UNC80: variants seen among roughly 807,000 people sequenced by gnomAD.
The protein encoded by UNC80 is protein unc-80 homolog.
Under a neutral mutation model 384.6 loss-of-function variants are expected in UNC80, and 164 were observed. The observed-to-expected ratio is 0.43, with a 90% confidence interval of 0.38 to 0.49. UNC80 has a LOEUF of 0.49. UNC80 is among the 20% of genes least tolerant of loss of function. UNC80 has a pLI of 0.00. For synonymous variants in UNC80, 1,486 were observed against 1,527.8 expected (o/e 0.97, Z 0.64); for missense variants, 3,330 against 4,143.0 (o/e 0.80, Z 5.39).
rs1559459690 is a variant in UNC80, at chr2:209,995,680, G to T, written c.*85G>T. ...AAGTTCAATACTTTTGCTTGAAAAA[G>T]ATTAATTACAAAATAGCACTTTACT... On this transcript the variant is annotated 3_prime_UTR_variant, in exon 65 of 65. Coordinates refer to ENST00000673920, the MANE Select transcript of UNC80 (RefSeq NM_001371986.1). 2 of 1,452,694 alleles carry T rather than the reference G, an allele frequency of 1.4e-6. No individual in the cohort carries two copies. The highest frequency in any genetic ancestry group is 1.4e-5 in the African/African-American group (1 of 70,190). The allele number at this position is 1,452,694 out of a possible 1,614,324, so 90.0% of individuals were successfully genotyped here.
At chr2:209,931,475 G>A (rs1015156983) in intron 38 of UNC80, among the ~76,000 whole-genome samples, 1 of 150,570 alleles carries the variant, frequency 6.6e-6, no homozygotes, top group African/African-American at 2.4e-5. Context: ...CATGGCAACT[G>A]TCTATGACAG....
At chr2:209,777,701 TA>T in intron 4 of UNC80, 142 bp downstream of exon 4, 1 of 929,604 alleles carries the variant, frequency 1.1e-6, no homozygotes, top group South Asian at 1.7e-5. Flanking sequence ...ATTTCTGTGT[TA>T]AACTACTGAA....
intron 7 of UNC80, among the ~76,000 whole-genome samples, chr2:209,797,973 T>A (rs2078274676): frequency 1.3e-5 from 2 of 152,258 alleles, no homozygotes; most frequent in Admixed American, 1.3e-4. Flanking sequence ...GAGAAATGAC[T>A]GTTCATATCC....
At chr2:209,959,392 A>G (rs1307712052) in intron 50 of UNC80, 97 bp from the exon 51 acceptor site, 5 of 1,231,986 alleles carry the variant, frequency 4.1e-6, no homozygotes, top group Non-Finnish European at 5.7e-6. Flanking sequence ...TTAACTCATT[A>G]GGAATCTTAT....
chr2:209,980,472 T>C (rs557597303), intron 59 of UNC80, among the ~76,000 whole-genome samples: 45 of 152,312 alleles, frequency 3.0e-4, no homozygotes, highest in South Asian at 8.3e-4. Context: ...ATTTTTTGCT[T>C]ATATCTCTGA....
At chr2:209,808,224 C>T (rs1330605167) in intron 7 of UNC80, among the ~76,000 whole-genome samples, 3 of 152,094 alleles carry the variant, frequency 2.0e-5, no homozygotes, top group African/African-American at 7.2e-5. Context: ...GGGACAACAC[C>T]GTCAGCGTAT....
intron 6 of UNC80, among the ~76,000 whole-genome samples, chr2:209,792,770 T>C (rs998859377): frequency 3.3e-5 from 5 of 152,252 alleles, no homozygotes; most frequent in African/African-American, 1.2e-4. Context: ...TCTACAAAAT[T>C]TAAAATCAGA....
At position 209,891,986 on chromosome 2, in the gene UNC80, A is replaced by G. The variant is rs147452190; in HGVS notation, c.4277-2177A>G. Among the ~76,000 whole-genome samples the G allele has an allele frequency of 6.2e-4, 95 of 152,336 alleles. 2 individuals carry two copies. Among genetic ancestry groups the G allele is most frequent in the East Asian group, 4.4e-3 (23 of 5,190 alleles). ...AAAAATTCAAGTGAAATAATCATTTAGAATAGTAGGAGATGGGTTGGAAAT... is the reference window on the plus strand; with the variant it reads ...AAAAATTCAAGTGAAATAATCATTTGGAATAGTAGGAGATGGGTTGGAAAT... On this transcript the variant is annotated intron_variant, in intron 26 of 64. Coordinates refer to ENST00000673920, the MANE Select transcript of UNC80 (RefSeq NM_001371986.1).
At chr2:209,934,196 G>C (rs1456417039) in intron 39 of UNC80, among the ~76,000 whole-genome samples, 191 bp downstream of exon 39, 1 of 152,144 alleles carries the variant, frequency 6.6e-6, no homozygotes, top group African/African-American at 2.4e-5. Context: ...GTCAGCGGTT[G>C]CCAGCTGAAA....
chr2:209,773,316 AC>A (rs2076687414), intron 2 of UNC80, among the ~76,000 whole-genome samples, 174 bp downstream of exon 2: 1 of 152,268 alleles, frequency 6.6e-6, no homozygotes, highest in Non-Finnish European at 1.5e-5. Context: ...AATGATAAAA[AC>A]AAATACAGTG....
At chr2:209,924,820 A>G (rs2090303776) in intron 35 of UNC80, among the ~76,000 whole-genome samples, 2 of 150,260 alleles carry the variant, frequency 1.3e-5, no homozygotes, top group African/African-American at 4.9e-5. Context: ...AGCTGTTTGC[A>G]CTAAGCTTTA....
chr2:209,776,190 A>G (rs1559071380), intron 3 of UNC80, 145 bp downstream of exon 3: 3 of 1,016,962 alleles, frequency 2.9e-6, no homozygotes, highest in Non-Finnish European at 4.0e-6. Flanking sequence ...TCCTCCTCAC[A>G]CTTATACTCA....
chr2:209,792,190 G>C (rs2077851889), intron 6 of UNC80, among the ~76,000 whole-genome samples: 2 of 152,174 alleles, frequency 1.3e-5, no homozygotes, highest in African/African-American at 4.8e-5. Context: ...TTTAGTCCCA[G>C]CTATTTGGGA....
chr2:209,793,651 A>G, intron 6 of UNC80, 69 bp from the exon 7 acceptor site: 1 of 1,554,048 alleles, frequency 6.4e-7, no homozygotes, highest in Admixed American at 1.9e-5. Flanking sequence ...CTAATTCTAG[A>G]TGATATAGCT....
intron 2 of UNC80, among the ~76,000 whole-genome samples, chr2:209,774,784 A>G (rs2076772685): frequency 6.6e-6 from 1 of 152,156 alleles, no homozygotes; most frequent in African/African-American, 2.4e-5. Context: ...AAAGCAAAAT[A>G]CTACATCTCT....
At chr2:209,955,729 ATATATAT>A (rs2124996860) in intron 48 of UNC80, among the ~76,000 whole-genome samples, 2 of 89,006 alleles carry the variant, frequency 2.2e-5, no homozygotes, top group Non-Finnish European at 3.9e-5. Context: ...ATATATATAT[ATATATAT>A]ATACACACAC....
chr2:209,773,203 A>C, intron 2 of UNC80, 61 bp downstream of exon 2: 1 of 1,443,394 alleles, frequency 6.9e-7, no homozygotes, highest in East Asian at 2.3e-5. Flanking sequence ...TTGAACCCAA[A>C]GACAGATTTT....
intron 36 of UNC80, among the ~76,000 whole-genome samples, 162 bp downstream of exon 36, chr2:209,927,148 A>G (rs965139624): frequency 6.6e-6 from 1 of 152,012 alleles, no homozygotes; most frequent in African/African-American, 2.4e-5. Context: ...TAACAGTATC[A>G]CTCTCTCCAC....
intron 38 of UNC80, among the ~76,000 whole-genome samples, 163 bp from the exon 39 acceptor site, chr2:209,933,659 T>A (rs190574075): frequency 1.3e-5 from 2 of 152,288 alleles, no homozygotes; most frequent in East Asian, 3.9e-4. Flanking sequence ...AGTTTTCCAG[T>A]TATGCCCTCT....
Sources: gnomAD v4.1 joint callset for allele counts (sites outside exome capture counted in the v4.1 genomes callset) on GRCh38, gnomAD v4.1.1 for gene constraint, MANE v1.5 for transcripts, NCBI Gene and HGNC (gene_info 2026-07-23, HGNC 2026-07-21) for gene names.